ADARB2: variants seen among roughly 807,000 people sequenced by gnomAD.
ADARB2 encodes inactive double-stranded RNA-specific editase B2.
A neutral mutation model predicts 62.2 loss-of-function variants in ADARB2; 25 were observed. The ratio of observed to expected loss-of-function variants is 0.40; its 90% confidence interval spans 0.29 to 0.56. ADARB2 has a LOEUF of 0.56. Among genes scored for constraint, ADARB2 ranks in the 20% least tolerant of loss-of-function variants. The probability of loss-of-function intolerance (pLI) is 0.43; values close to 1 mark genes in which losing one functional copy is unlikely to be tolerated. For missense variants in ADARB2, 1,071 were observed against 1,077.4 expected (o/e 0.99, Z 0.08); for synonymous variants, 572 against 500.8 (o/e 1.14, Z -1.90).
At position 1,574,250 on chromosome 10, in the gene ADARB2, G is replaced by C. The variant is rs192217239; in HGVS notation, c.100+162801C>G. ...AGCATGAAGGAAACAGCCGGTTTGAGGGCATTTTCTCAGAGGACATGAGTC... is the reference window on the plus strand; with the variant it reads ...AGCATGAAGGAAACAGCCGGTTTGACGGCATTTTCTCAGAGGACATGAGTC... On this transcript the variant is annotated intron_variant, in intron 1 of 9. Transcript: ENST00000381312. Among the ~76,000 whole-genome samples, 284 of 152,318 alleles carry C rather than the reference G, an allele frequency of 1.9e-3. 2 individuals are homozygous for C. The highest frequency in any genetic ancestry group is 2.7e-3 in the Non-Finnish European group (186 of 68,024).
intron 1 of ADARB2, among the ~76,000 whole-genome samples, chr10:1,551,403 C>G (rs1832620511): frequency 2.0e-5 from 3 of 152,204 alleles, no homozygotes; most frequent in Non-Finnish European, 4.4e-5. Flanking sequence ...CGGGCTGCCA[C>G]AGTGGTAAAG....
rs187551489 is a variant in ADARB2, at chr10:1,651,901, G to A, written c.100+85150C>T. Among the ~76,000 whole-genome samples, 8 of 152,274 alleles carry A rather than the reference G, an allele frequency of 5.3e-5. No homozygotes were observed. In the East Asian group the frequency reaches 7.7e-4, roughly 15 times the overall value. ...GAGCAGAGCCTGCCCAGGAGAGACCGCTATCTCCACTGGTCCAGCTTACAC... is the reference window on the plus strand; with the variant it reads ...GAGCAGAGCCTGCCCAGGAGAGACCACTATCTCCACTGGTCCAGCTTACAC... On this transcript the variant is annotated intron_variant, in intron 1 of 9. Coordinates refer to ENST00000381312, the MANE Select transcript of ADARB2 (RefSeq NM_018702.4).
chr10:1,501,362 A>G (rs1831766851), intron 1 of ADARB2, among the ~76,000 whole-genome samples: 1 of 152,184 alleles, frequency 6.6e-6, no homozygotes, highest in Non-Finnish European at 1.5e-5. Flanking sequence ...ACTTTCTCCG[A>G]TTTCTCAAAG....
intron 1 of ADARB2, among the ~76,000 whole-genome samples, chr10:1,497,088 C>T (rs1831702948): frequency 6.6e-6 from 1 of 152,082 alleles, no homozygotes; most frequent in Admixed American, 6.5e-5. Flanking sequence ...CTCAGGTATG[C>T]CCCTTAAGTT....
intron 3 of ADARB2, among the ~76,000 whole-genome samples, chr10:1,276,340 T>G (rs1831316319): frequency 6.6e-6 from 1 of 152,218 alleles, no homozygotes; most frequent in African/African-American, 2.4e-5. Flanking sequence ...CTTCGCCCAC[T>G]TTTTGATGGG....
At chr10:1,666,310 A>C (rs995362034) in intron 1 of ADARB2, among the ~76,000 whole-genome samples, 2 of 152,210 alleles carry the variant, frequency 1.3e-5, no homozygotes, top group Admixed American at 6.5e-5. Flanking sequence ...CTGCCCCGCC[A>C]GGGCGAGCAT....
chr10:1,300,160 T>C (rs1589184438), intron 3 of ADARB2, among the ~76,000 whole-genome samples: 1 of 152,242 alleles, frequency 6.6e-6, no homozygotes, highest in East Asian at 1.9e-4. Context: ...ATAAAAACTA[T>C]CATAGTTGCC....
intron 5 of ADARB2, among the ~76,000 whole-genome samples, chr10:1,235,140 T>G (rs565705268): frequency 1.0e-3 from 156 of 151,508 alleles, no homozygotes; most frequent in Non-Finnish European, 1.8e-3. Flanking sequence ...TTGCCAGTGC[T>G]GCTCATGGCC....
intron 1 of ADARB2, among the ~76,000 whole-genome samples, chr10:1,574,010 T>C (rs1048768121): frequency 1.3e-5 from 2 of 152,234 alleles, no homozygotes; most frequent in African/African-American, 2.4e-5. Flanking sequence ...AAGACCTCCG[T>C]GATGTCCCTG....
intron 1 of ADARB2, among the ~76,000 whole-genome samples, chr10:1,594,265 T>C (rs1042088844): frequency 6.6e-6 from 1 of 152,170 alleles, no homozygotes; most frequent in Non-Finnish European, 1.5e-5. Flanking sequence ...CACTCCAGCC[T>C]GGGTGATAGA....
chr10:1,304,623 G>A (rs1412747424), intron 3 of ADARB2, among the ~76,000 whole-genome samples: 1 of 150,800 alleles, frequency 6.6e-6, no homozygotes, highest in Non-Finnish European at 1.5e-5. Flanking sequence ...CACATACTTG[G>A]AAGTAAAGCT....
intron 1 of ADARB2, among the ~76,000 whole-genome samples, chr10:1,471,115 T>C (rs1831316272): frequency 6.6e-6 from 1 of 152,066 alleles, no homozygotes; most frequent in African/African-American, 2.4e-5. Context: ...CCTGGCAACC[T>C]ACTGGAATGA....
intron 1 of ADARB2, among the ~76,000 whole-genome samples, chr10:1,417,701 C>G (rs145270292): frequency 2.0e-5 from 3 of 152,292 alleles, no homozygotes; most frequent in Non-Finnish European, 4.4e-5. Flanking sequence ...GTGCTATGGG[C>G]CGGCGTTGCA....
intron 3 of ADARB2, among the ~76,000 whole-genome samples, chr10:1,284,729 C>T (rs904947560): frequency 7.2e-5 from 11 of 152,174 alleles, no homozygotes; most frequent in African/African-American, 2.7e-4. Context: ...ATGGACACTA[C>T]CTGATGCTCT....
intron 1 of ADARB2, among the ~76,000 whole-genome samples, chr10:1,602,737 GACACACAAC>G (rs1458939781): frequency 8.1e-6 from 1 of 123,782 alleles, no homozygotes; most frequent in Admixed American, 8.1e-5. Context: ...TGTACATACA[GACACACAAC>G]ACACACACAC....
chr10:1,446,637 G>A (rs1332903150), intron 1 of ADARB2, among the ~76,000 whole-genome samples: 1 of 152,230 alleles, frequency 6.6e-6, no homozygotes, highest in Non-Finnish European at 1.5e-5. Context: ...TCAGTGAATA[G>A]CTGTGCTCCT....
At chr10:1,325,720 A>C (rs1373436329) in intron 3 of ADARB2, among the ~76,000 whole-genome samples, 1 of 152,130 alleles carries the variant, frequency 6.6e-6, no homozygotes, top group Non-Finnish European at 1.5e-5. Flanking sequence ...TCTTTCTTGT[A>C]CTAGAGACTC....
intron 1 of ADARB2, among the ~76,000 whole-genome samples, chr10:1,529,845 AG>A (rs1832201205): frequency 6.6e-6 from 1 of 152,124 alleles, no homozygotes; most frequent in African/African-American, 2.4e-5. Context: ...ATGGCTGGGA[AG>A]CCGCTCTCTG....
intron 4 of ADARB2, among the ~76,000 whole-genome samples, chr10:1,260,591 A>G (rs1388318363): frequency 2.6e-5 from 4 of 152,002 alleles, no homozygotes; most frequent in African/African-American, 9.7e-5. Context: ...AATCCAACTT[A>G]TAAGGGATGT....
Sources: allele counts gnomAD v4.1 joint callset (sites outside exome capture counted in the v4.1 genomes callset), GRCh38; gene constraint gnomAD v4.1.1; transcripts MANE v1.5; gene names NCBI Gene and HGNC (gene_info 2026-07-23, HGNC 2026-07-21).